CACNA1A: variants seen among roughly 807,000 people sequenced by gnomAD.
CACNA1A encodes the protein voltage-dependent P/Q-type calcium channel subunit alpha-1A.
In CACNA1A, 57 loss-of-function variants were observed where a neutral mutation model predicts 262.4. The ratio of observed to expected loss-of-function variants is 0.22; its 90% confidence interval spans 0.18 to 0.27. The LOEUF is 0.27. CACNA1A is among the 10% of genes least tolerant of loss of function. The probability of loss-of-function intolerance (pLI) is 1.00; values close to 1 mark genes in which losing one functional copy is unlikely to be tolerated. For missense variants in CACNA1A, 2,526 were observed against 3,562.8 expected (o/e 0.71, Z 7.41); for synonymous variants, 1,431 against 1,419.3 (o/e 1.01, Z -0.18).
rs1052416052 is a variant in CACNA1A, at chr19:13,321,281, G to A, written c.1346-3960C>T. Reference sequence around the variant, plus strand: ...ACTCCTAACCTCAAGTGATCTGCCCGCTGCAGCCTCCCAAAGTGCTGGCAT... The same window carrying A: ...ACTCCTAACCTCAAGTGATCTGCCCACTGCAGCCTCCCAAAGTGCTGGCAT... On this transcript the variant is annotated intron_variant, in intron 10 of 46. Coordinates refer to ENST00000360228, the MANE Select transcript of CACNA1A (RefSeq NM_001127222.2). Among the ~76,000 whole-genome samples, 12 of 152,054 alleles carry A rather than the reference G, an allele frequency of 7.9e-5. No individual in the cohort carries two copies. The South Asian group carries it at 1.5e-3, about 18-fold the overall frequency.
chr19:13,462,488 T>G (rs1391200689), intron 1 of CACNA1A, among the ~76,000 whole-genome samples: 1 of 152,194 alleles, frequency 6.6e-6, no homozygotes, highest in African/African-American at 2.4e-5. Flanking sequence ...CTCTGCAATA[T>G]GATCAACTAT....
intron 29 of CACNA1A, among the ~76,000 whole-genome samples, chr19:13,253,904 T>G (rs1489212202): frequency 2.0e-5 from 3 of 151,948 alleles, no homozygotes; most frequent in Admixed American, 6.6e-5. Context: ...CACGCCCAGC[T>G]AATTTTTGTA....
intron 6 of CACNA1A, among the ~76,000 whole-genome samples, chr19:13,347,187 T>G (rs971805410): frequency 6.6e-6 from 1 of 151,480 alleles, no homozygotes; most frequent in African/African-American, 2.4e-5. Context: ...GCCTCTCAAG[T>G]AGCTGGGCCT....
intron 22 of CACNA1A, among the ~76,000 whole-genome samples, chr19:13,280,848 G>GGA (rs1366182676): frequency 1.3e-5 from 2 of 151,138 alleles, no homozygotes; most frequent in Non-Finnish European, 2.9e-5. Context: ...GGCTGAGGCA[G>GGA]GAGAATCGCT....
rs562367386 is a variant in CACNA1A at position 13,469,702 on chromosome 19, G to A, written c.294-14490C>T. Among the ~76,000 whole-genome samples, 185 of 147,824 alleles carry A rather than the reference G, an allele frequency of 1.3e-3. 1 individual carries two copies. The highest frequency in any genetic ancestry group is 3.7e-3 in the African/African-American group (148 of 39,854). ...TCTCGATCGCCTGACCTTGTGATCC[G>A]CCCGCCTCGGCTCCCCAAAGTGCTG... On this transcript the variant is annotated intron_variant, in intron 1 of 46. Transcript: ENST00000360228.
intron 37 of CACNA1A, chr19:13,225,831 A>G (rs1206196358): frequency 1.3e-5 from 2 of 151,984 alleles, no homozygotes; most frequent in Non-Finnish European, 2.9e-5. Context: ...CTTGGAAATG[A>G]TAGATTTATG....
intron 3 of CACNA1A, among the ~76,000 whole-genome samples, chr19:13,407,959 T>G (rs888841007): frequency 2.0e-5 from 3 of 149,928 alleles, no homozygotes; most frequent in Non-Finnish European, 4.4e-5. Flanking sequence ...AGACCTGGTT[T>G]TGTAGCACTC....
At chr19:13,359,491 G>C in intron 6 of CACNA1A, 115 bp downstream of exon 6, 1 of 768,698 alleles carries the variant, frequency 1.3e-6, no homozygotes, top group Non-Finnish European at 2.2e-6. Context: ...GTTGTCCTTG[G>C]GCTGCCTTTC....
At chr19:13,216,698 T>G (rs2055026288) in intron 38 of CACNA1A, among the ~76,000 whole-genome samples, 3 of 146,576 alleles carry the variant, frequency 2.0e-5, no homozygotes, top group Admixed American at 1.4e-4. Context: ...TATCTATCTA[T>G]CATCTATCTA....
chr19:13,327,643 A>G (rs62109077), intron 10 of CACNA1A, among the ~76,000 whole-genome samples: 37,090 of 150,462 alleles, frequency 0.25, 5,724 homozygotes, highest in African/African-American at 0.44. Flanking sequence ...GCGCCATCTC[A>G]GCTCACTGCA....
intron 19 of CACNA1A, among the ~76,000 whole-genome samples, chr19:13,291,800 GT>G (rs199933326): frequency 8.0e-5 from 12 of 150,864 alleles, no homozygotes; most frequent in Admixed American, 2.0e-4. Context: ...GAGCAAGACT[GT>G]TTTTTTTTAA....
chr19:13,243,277 G>A (rs1324813365), intron 31 of CACNA1A, among the ~76,000 whole-genome samples: 1 of 152,200 alleles, frequency 6.6e-6, no homozygotes, highest in Non-Finnish European at 1.5e-5. Flanking sequence ...GAGGGGAAGG[G>A]GAAAATTCTG....
At chr19:13,486,408 C>CACACACACACAT (rs1980000814) in intron 1 of CACNA1A, among the ~76,000 whole-genome samples, 1 of 151,366 alleles carries the variant, frequency 6.6e-6, no homozygotes, top group Admixed American at 6.6e-5. Flanking sequence ...CTCTCTCTCT[C>CACACACACACAT]ACACACACAC....
At chr19:13,217,528 G>A (rs1248598559) in intron 38 of CACNA1A, among the ~76,000 whole-genome samples, 1 of 152,084 alleles carries the variant, frequency 6.6e-6, no homozygotes, top group Non-Finnish European at 1.5e-5. Context: ...CCGTAACCCC[G>A]AGAGCCTGGC....
chr19:13,312,676 T>C lies in CACNA1A; in HGVS notation c.1661A>G (p.Asp554Gly). 1 of 1,578,012 alleles carries C rather than the reference T, an allele frequency of 6.3e-7. No individual in the cohort carries two copies. The highest frequency in any genetic ancestry group is 8.6e-7 in the Non-Finnish European group (1 of 1,159,796). The change falls in exon 12 of 47, where the codon GAC (aspartate) becomes GGC (glycine). Residue 554 changes from aspartate to glycine, a missense_variant. Physicochemically the swap from Asp to Gly is moderately conservative, Grantham distance 94. Around this residue, in one of 17 missense-constraint regions of CACNA1A, gnomAD observed 102 missense variants for 278.9 expected, o/e 0.37. Transcript: ENST00000360228. ...PYFHSSFNCF[D>G]CGVIIGSIFE... ...AGAAACAAGAGCACTTACCCCACAGTCAAAGCAGTTGAAGGAAGAGTGGAA... is the reference window on the plus strand; with the variant it reads ...AGAAACAAGAGCACTTACCCCACAGCCAAAGCAGTTGAAGGAAGAGTGGAA...
chr19:13,299,456 TC>T, intron 18 of CACNA1A, 103 bp from the exon 19 acceptor site: 1 of 915,244 alleles, frequency 1.1e-6, no homozygotes, highest in Non-Finnish European at 1.7e-6. Flanking sequence ...ACTCCTGCTC[TC>T]CACCCTCTAC....
intron 3 of CACNA1A, among the ~76,000 whole-genome samples, chr19:13,422,724 TG>T (rs2060337969): frequency 1.3e-5 from 2 of 152,230 alleles, no homozygotes; most frequent in Non-Finnish European, 2.9e-5. Flanking sequence ...GTCAGTCACA[TG>T]GGTGCTCCAT....
intron 16 of CACNA1A, 32 bp from the exon 17 acceptor site, chr19:13,303,645 C>T (rs2057837525): frequency 6.2e-7 from 1 of 1,605,402 alleles, no homozygotes. Context: ...AAAGCAACCA[C>T]TGGTGGGACA....
chr19:13,413,663 G>A (rs905081033), intron 3 of CACNA1A, among the ~76,000 whole-genome samples: 7 of 147,376 alleles, frequency 4.7e-5, no homozygotes, highest in Non-Finnish European at 7.4e-5. Context: ...AGGATCACCT[G>A]AGGTCAGGAG....
Sources: gnomAD v4.1 joint callset for allele counts (sites outside exome capture counted in the v4.1 genomes callset) on GRCh38, gnomAD v4.1.1 for gene constraint, gnomAD v4.1.1 regional missense constraint, MANE v1.5 for transcripts, NCBI Gene and HGNC (gene_info 2026-07-23, HGNC 2026-07-21) for gene names.